Variants in MTUS2 observed in about 807,000 individuals in gnomAD.
MTUS2 encodes the protein microtubule-associated tumor suppressor candidate 2.
A neutral mutation model predicts 114.1 loss-of-function variants in MTUS2; 40 were observed. That is an observed-to-expected ratio of 0.35 (90% CI 0.27 to 0.46). The LOEUF (loss-of-function observed/expected upper bound fraction) is 0.46. MTUS2 is among the 20% of genes least tolerant of loss of function. The pLI is 1.00. For synonymous variants in MTUS2, 688 were observed against 672.0 expected (o/e 1.02, Z -0.37); for missense variants, 1,679 against 1,705.4 (o/e 0.98, Z 0.27).
chr13:29,033,826 T>A (rs180969907), intron 3 of MTUS2, 59 bp from the exon 4 acceptor site: 18 of 1,602,652 alleles, frequency 1.1e-5, no homozygotes, highest in Non-Finnish European at 1.5e-5. Context: ...CGTGGTCCTG[T>A]ATAGAACTCA....
chr13:29,073,123 G>C (rs1889020495), intron 4 of MTUS2, among the ~76,000 whole-genome samples: 1 of 152,048 alleles, frequency 6.6e-6, no homozygotes, highest in South Asian at 2.1e-4. Flanking sequence ...GTTATATGCA[G>C]TCACTTTCAA....
intron 7 of MTUS2, among the ~76,000 whole-genome samples, chr13:29,327,468 T>A (rs1593307496): frequency 6.6e-6 from 1 of 152,204 alleles, no homozygotes; most frequent in East Asian, 1.9e-4. Flanking sequence ...AGTTTGTATT[T>A]TCTAAAATTT....
In MTUS2 at chr13:29,025,712, G is replaced by C; in HGVS notation, c.1014G>C (p.Glu338Asp). 6.2e-7 allele frequency: 1 copy of C among 1,614,016 alleles called. No homozygotes were observed. Among genetic ancestry groups the C allele is most frequent in the African/African-American group, 1.3e-5 (1 of 75,056 alleles). Residue 338 changes from glutamate to aspartate, a missense_variant, in exon 3 of 16, where the codon GAG becomes GAC. Coordinates refer to ENST00000612955, the MANE Select transcript of MTUS2 (RefSeq NM_001033602.4). ...GGTATCTGGGATGCCACAAGGAAGA[G>C]AATCTGTCAGCCTTGGAGGGAAGGG... ...QEGYLGCHKEENLSALEGRDP... is the reference protein window; with the variant it reads ...QEGYLGCHKEDNLSALEGRDP...
At chr13:29,175,460 G>A (rs1018523834) in intron 5 of MTUS2, among the ~76,000 whole-genome samples, 3 of 152,172 alleles carry the variant, frequency 2.0e-5, no homozygotes, top group Admixed American at 6.5e-5. Context: ...ATTAGACAAC[G>A]GGTGTTCTCC....
intron 2 of MTUS2, among the ~76,000 whole-genome samples, chr13:28,919,203 C>G (rs1345674998): frequency 9.9e-5 from 15 of 152,078 alleles, no homozygotes; most frequent in Non-Finnish European, 2.1e-4. Flanking sequence ...TCATTAATGT[C>G]TTTTTCTTTC....
intron 4 of MTUS2, among the ~76,000 whole-genome samples, chr13:29,079,523 C>A (rs1035875445): frequency 1.1e-4 from 16 of 152,014 alleles, no homozygotes; most frequent in Non-Finnish European, 1.6e-4. Flanking sequence ...CCTATTTTTC[C>A]CCAAGAGTTT....
At chr13:29,098,614 C>G (rs953284439) in intron 4 of MTUS2, among the ~76,000 whole-genome samples, 5 of 152,172 alleles carry the variant, frequency 3.3e-5, no homozygotes, top group Non-Finnish European at 4.4e-5. Flanking sequence ...CTTGTCCTCC[C>G]CGTCTCTACA....
At chr13:29,381,197 G>C (rs947650426) in intron 8 of MTUS2, among the ~76,000 whole-genome samples, 1 of 152,152 alleles carries the variant, frequency 6.6e-6, no homozygotes, top group Non-Finnish European at 1.5e-5. Context: ...TATTGAGGAG[G>C]AGAGAGGAAG....
At chr13:29,024,395 T>C in intron 2 of MTUS2, 62 bp from the exon 3 acceptor site, 1 of 325,758 alleles carries the variant, frequency 3.1e-6, no homozygotes. Context: ...TGTTTACCAC[T>C]TTTTTCTCCT....
chr13:28,866,544 G>A (rs974855064), intron 2 of MTUS2, among the ~76,000 whole-genome samples: 2 of 152,094 alleles, frequency 1.3e-5, no homozygotes, highest in African/African-American at 4.8e-5. Flanking sequence ...ACTGATTCTT[G>A]GTTTTAAGCC....
At chr13:29,074,776 TTAAC>T (rs1490491959) in intron 4 of MTUS2, among the ~76,000 whole-genome samples, 1 of 152,206 alleles carries the variant, frequency 6.6e-6, no homozygotes, top group Admixed American at 6.5e-5. Context: ...CCGGAACTAG[TTAAC>T]TAGCTAGCTA....
At chr13:29,247,551 A>T (rs1896970785) in intron 5 of MTUS2, among the ~76,000 whole-genome samples, 1 of 152,216 alleles carries the variant, frequency 6.6e-6, no homozygotes, top group African/African-American at 2.4e-5. Context: ...GACTCAAACA[A>T]ATCAGAAGAA....
intron 2 of MTUS2, among the ~76,000 whole-genome samples, chr13:28,956,977 G>A (rs1404544642): frequency 1.3e-5 from 2 of 151,946 alleles, no homozygotes; most frequent in Non-Finnish European, 2.9e-5. Context: ...CTGCCCTAGA[G>A]ATAGGTGAGC....
At chr13:29,084,371 AAAAC>A (rs951753961) in intron 4 of MTUS2, among the ~76,000 whole-genome samples, 2 of 151,780 alleles carry the variant, frequency 1.3e-5, no homozygotes, top group Admixed American at 1.3e-4. Context: ...CTTAAAAAAA[AAAAC>A]AAAACAACTG....
At chr13:28,831,154 A>G (rs1029755553) in intron 1 of MTUS2, among the ~76,000 whole-genome samples, 2 of 51,506 alleles carry the variant, frequency 3.9e-5, no homozygotes, top group Non-Finnish European at 1.0e-4. Flanking sequence ...TAACTAAAAA[A>G]TGTAAAAGAA....
At chr13:28,844,751 G>A (rs1441061822) in intron 2 of MTUS2, among the ~76,000 whole-genome samples, 3 of 151,976 alleles carry the variant, frequency 2.0e-5, no homozygotes, top group Non-Finnish European at 2.9e-5. Flanking sequence ...TGAGGAGCAG[G>A]GACTACAGGC....
chr13:29,492,574 T>A, intron 11 of MTUS2, 72 bp from the exon 12 acceptor site: 1 of 1,267,798 alleles, frequency 7.9e-7, no homozygotes, highest in Non-Finnish European at 1.1e-6. Context: ...AGGTCTTAAG[T>A]CTGCCAAAAG....
At chr13:29,303,192 A>T (rs915875079) in intron 6 of MTUS2, among the ~76,000 whole-genome samples, 5 of 152,230 alleles carry the variant, frequency 3.3e-5, no homozygotes, top group African/African-American at 1.2e-4. Flanking sequence ...GCCCACAAAG[A>T]TGAGAAAGAA....
intron 5 of MTUS2, among the ~76,000 whole-genome samples, chr13:29,231,863 AC>A (rs1377953675): frequency 6.6e-5 from 10 of 152,310 alleles, no homozygotes; most frequent in Middle Eastern, 3.4e-3. Context: ...CATGTTAAAC[AC>A]CTAACATATT....
Sources: allele counts gnomAD v4.1 joint callset (sites outside exome capture counted in the v4.1 genomes callset), GRCh38; gene constraint gnomAD v4.1.1; transcripts MANE v1.5; gene names NCBI Gene and HGNC (gene_info 2026-07-23, HGNC 2026-07-21).